Variants in DPP10 observed in about 807,000 individuals in gnomAD.
DPP10 encodes the protein inactive dipeptidyl peptidase 10.
DPP10 carries 33 observed loss-of-function variants against 120.9 expected under a neutral mutation model. That is an observed-to-expected ratio of 0.27 (90% confidence interval 0.21 to 0.37). The LOEUF is 0.37. Ranked by LOEUF, DPP10 falls within the 10% of genes least tolerant of loss-of-function variation. The pLI is 1.00. For synonymous variants in DPP10, 337 were observed against 326.1 expected (o/e 1.03, Z -0.36); for missense variants, 816 against 942.8 (o/e 0.87, Z 1.76).
At chr2:114,609,589 A>G (rs996327383) in intron 1 of DPP10, among the ~76,000 whole-genome samples, 16 of 152,018 alleles carry the variant, frequency 1.1e-4, no homozygotes, top group African/African-American at 3.1e-4. Flanking sequence ...TCTTTGTTTT[A>G]CAAGTGAGGA....
chr2:115,067,188 CATA>C (rs1414076695), intron 1 of DPP10, among the ~76,000 whole-genome samples: 1 of 152,076 alleles, frequency 6.6e-6, no homozygotes, highest in African/African-American at 2.4e-5. Context: ...TTTCCTTTAA[CATA>C]ATGTTTTCTA....
intron 1 of DPP10, among the ~76,000 whole-genome samples, chr2:114,872,170 A>C (rs1002451288): frequency 6.6e-6 from 1 of 152,208 alleles, no homozygotes; most frequent in African/African-American, 2.4e-5. Flanking sequence ...AAAGAGGTTT[A>C]ATTGACTCAC....
chr2:115,587,056 A>G (rs1575254598), intron 5 of DPP10, among the ~76,000 whole-genome samples: 1 of 124,098 alleles, frequency 8.1e-6, no homozygotes, highest in Non-Finnish European at 1.8e-5. Flanking sequence ...TTTGACCAAC[A>G]TTGTCCTTTT....
intron 1 of DPP10, among the ~76,000 whole-genome samples, chr2:114,497,420 CATCT>C (rs1429487216): frequency 5.4e-5 from 4 of 73,534 alleles, no homozygotes; most frequent in Admixed American, 1.4e-4. Context: ...CATACATATG[CATCT>C]ATATATATAT....
At chr2:115,524,900 A>T (rs1165029458) in intron 4 of DPP10, among the ~76,000 whole-genome samples, 4 of 152,138 alleles carry the variant, frequency 2.6e-5, no homozygotes, top group Non-Finnish European at 5.9e-5. Flanking sequence ...TATACCACCC[A>T]AACTTGCCAA....
rs542170038 is a variant in DPP10, at chr2:114,995,200, T to C, written c.61-314039T>C. On this transcript the variant is annotated intron_variant, in intron 1 of 25. Coordinates refer to ENST00000410059, the MANE Select transcript of DPP10 (RefSeq NM_020868.6). ...GCACAGCCATGTAGCCCTTGTCATCTCAGCCGTGGCCATCCTGGACCAAAT... is the reference window on the plus strand; with the variant it reads ...GCACAGCCATGTAGCCCTTGTCATCCCAGCCGTGGCCATCCTGGACCAAAT... Among the ~76,000 whole-genome samples the C allele has an allele frequency of 2.0e-5, 3 of 152,350 alleles. No homozygotes were observed. The East Asian group carries it at 5.8e-4, about 29-fold the overall frequency.
rs542694894 is a variant in DPP10, at chr2:115,212,744, A to G, written c.61-96495A>G. Among the ~76,000 whole-genome samples, 20 of 152,330 alleles carry G rather than the reference A, an allele frequency of 1.3e-4. No homozygotes were observed. The East Asian group carries it at 3.7e-3, about 28-fold the overall frequency. On this transcript the variant is annotated intron_variant, in intron 1 of 25. Transcript: ENST00000410059. ...ATATTACCTTGACATATTTTATTAT[A>G]GCATAACTTGCATCAGTATATGTGT... is the stretch of plus-strand genomic sequence containing the variant.
intron 1 of DPP10, among the ~76,000 whole-genome samples, chr2:115,207,157 A>G (rs955404287): frequency 2.6e-5 from 4 of 152,336 alleles, no homozygotes; most frequent in African/African-American, 7.2e-5. Context: ...TGAAGCAGCA[A>G]CTTTCAAATG....
intron 21 of DPP10, among the ~76,000 whole-genome samples, chr2:115,834,821 T>C (rs1483007884): frequency 1.3e-5 from 2 of 151,990 alleles, no homozygotes. Flanking sequence ...GCGCGGTGGC[T>C]CACGCCTGTA....
At chr2:114,657,786 G>A (rs1697075648) in intron 1 of DPP10, among the ~76,000 whole-genome samples, 1 of 152,120 alleles carries the variant, frequency 6.6e-6, no homozygotes, top group Non-Finnish European at 1.5e-5. Context: ...ATATATTCAT[G>A]TATAACTACT....
chr2:114,462,045 G>A, intron 1 of DPP10: 1 of 985,338 alleles, frequency 1.0e-6, no homozygotes. Flanking sequence ...GAGAAAACTG[G>A]AGCAGAGTGT....
chr2:115,163,257 A>G (rs1559167782), intron 1 of DPP10, among the ~76,000 whole-genome samples: 1 of 152,212 alleles, frequency 6.6e-6, no homozygotes. Flanking sequence ...GGCGAGACAC[A>G]GGAGGCCATG....
intron 1 of DPP10, among the ~76,000 whole-genome samples, chr2:114,728,101 C>A (rs777045542): frequency 1.3e-5 from 2 of 152,144 alleles, no homozygotes; most frequent in Non-Finnish European, 2.9e-5. Context: ...ACTTGAAAGA[C>A]TTAGAACAGT....
chr2:114,996,789 C>T (rs1701112545), intron 1 of DPP10, among the ~76,000 whole-genome samples: 1 of 152,052 alleles, frequency 6.6e-6, no homozygotes, highest in Admixed American at 6.5e-5. Context: ...TGAGACCATC[C>T]TGGCTAACAC....
At chr2:114,464,595 T>C (rs1205250463) in intron 1 of DPP10, among the ~76,000 whole-genome samples, 1 of 152,242 alleles carries the variant, frequency 6.6e-6, no homozygotes, top group Admixed American at 6.5e-5. Context: ...CAAAGGTTTT[T>C]AATTTTTTAT....
At position 115,655,583 on chromosome 2, in the gene DPP10, G is replaced by A. The variant is rs540272720; in HGVS notation, c.442-34104G>A. ...CAATATTAGCTCTATTATTTGATTG[G>A]TTTGGATATATAGGGGCGTGTTATC... On this transcript the variant is annotated intron_variant, in intron 5 of 25. Transcript: ENST00000410059. Among the ~76,000 whole-genome samples, 24 of 151,478 alleles carry A rather than the reference G, an allele frequency of 1.6e-4. 1 individual carries two copies. The South Asian group carries it at 5.0e-3, about 32-fold the overall frequency.
chr2:114,971,745 A>G (rs1485875013), intron 1 of DPP10, among the ~76,000 whole-genome samples: 1 of 152,194 alleles, frequency 6.6e-6, no homozygotes, highest in Non-Finnish European at 1.5e-5. Flanking sequence ...CACTTTTTCT[A>G]AGGCACAACT....
intron 3 of DPP10, among the ~76,000 whole-genome samples, chr2:115,467,033 A>G (rs1282196847): frequency 6.6e-6 from 1 of 152,168 alleles, no homozygotes; most frequent in Non-Finnish European, 1.5e-5. Flanking sequence ...AGATTCTTGG[A>G]GGAAAGAATG....
chr2:114,589,493 C>T (rs1318978554), intron 1 of DPP10, among the ~76,000 whole-genome samples: 1 of 152,076 alleles, frequency 6.6e-6, no homozygotes, highest in African/African-American at 2.4e-5. Flanking sequence ...AGCTCCTTTT[C>T]CATAAAAAAG....
Sources: allele counts gnomAD v4.1 joint callset (sites outside exome capture counted in the v4.1 genomes callset), GRCh38; gene constraint gnomAD v4.1.1; transcripts MANE v1.5; gene names NCBI Gene and HGNC (gene_info 2026-07-23, HGNC 2026-07-21).